Variants in ULK4 observed in about 807,000 individuals in gnomAD.
ULK4 encodes inactive serine/threonine-protein kinase ULK4.
A neutral mutation model predicts 160.6 loss-of-function variants in ULK4; 133 were observed. That is an observed-to-expected ratio of 0.83 (90% CI 0.72 to 0.96). The LOEUF is 0.96. Ranked by LOEUF, ULK4 falls within the 40% of genes least tolerant of loss-of-function variation. The pLI, the probability that ULK4 is intolerant of heterozygous loss-of-function variation, is 0.00. For missense variants in ULK4, 1,580 were observed against 1,499.5 expected (o/e 1.05, Z -0.89); for synonymous variants, 534 against 539.8 (o/e 0.99, Z 0.15).
At position 41,467,474 on chromosome 3, in the gene ULK4, C is replaced by CT. The variant is rs1432906317; in HGVS notation, c.3227-4222dup. 3.3e-5 allele frequency among the ~76,000 whole-genome samples: 5 copies of CT among 152,284 alleles called. No individual in the cohort carries two copies. The East Asian group carries it at 5.8e-4, about 18-fold the overall frequency. Reference sequence around the variant, plus strand: ...CCCAGGAGGCAGAAGTTGTAGTGAGCTGAGATTGTGCCACTGCACTCCTGC... The same window carrying CT: ...CCCAGGAGGCAGAAGTTGTAGTGAGCTTGAGATTGTGCCACTGCACTCCTGC... On this transcript the variant is annotated intron_variant, in intron 32 of 36. Transcript: ENST00000301831.
chr3:41,832,657 G>C (rs2041629634), intron 18 of ULK4, among the ~76,000 whole-genome samples: 1 of 152,108 alleles, frequency 6.6e-6, no homozygotes, highest in Admixed American at 6.5e-5. Context: ...TTCTTCTAGG[G>C]TTTTTATGGT....
chr3:41,642,054 A>G (rs1364886615), intron 30 of ULK4, among the ~76,000 whole-genome samples: 2 of 151,898 alleles, frequency 1.3e-5, no homozygotes, highest in East Asian at 3.9e-4. Context: ...TTTGTATTTC[A>G]GTAGAGACGA....
In ULK4 at chr3:41,786,373, G is replaced by A. The variant is rs145554777; in HGVS notation, c.2193+3288C>T. On this transcript the variant is annotated intron_variant, in intron 21 of 36. Coordinates refer to ENST00000301831, the MANE Select transcript of ULK4 (RefSeq NM_017886.4). Reference sequence around the variant, plus strand: ...TCCCAGCACCTTGGGAGGCTGCGACGGGGGATCACCTGAATCCAGGAGTTC... The same window carrying A: ...TCCCAGCACCTTGGGAGGCTGCGACAGGGGATCACCTGAATCCAGGAGTTC... 1.8e-4 allele frequency among the ~76,000 whole-genome samples: 28 copies of A among 152,158 alleles called. No homozygotes were observed. The Middle Eastern group carries it at 0.014, about 74-fold the overall frequency.
chr3:41,263,797 T>C (rs917073341), intron 35 of ULK4, among the ~76,000 whole-genome samples: 2 of 152,158 alleles, frequency 1.3e-5, no homozygotes, highest in African/African-American at 4.8e-5. Context: ...AAAAGCTCTT[T>C]TGGCAACTGT....
chr3:41,406,728 T>G (rs1475651478), intron 34 of ULK4, among the ~76,000 whole-genome samples: 1 of 152,196 alleles, frequency 6.6e-6, no homozygotes, highest in Non-Finnish European at 1.5e-5. Flanking sequence ...ATTTTTCCAG[T>G]GATGACCATT....
intron 27 of ULK4, among the ~76,000 whole-genome samples, chr3:41,687,062 G>A (rs761969577): frequency 2.0e-5 from 3 of 150,744 alleles, no homozygotes; most frequent in African/African-American, 4.9e-5. Context: ...CAGCCTGGGC[G>A]ACAAAAGACT....
At chr3:41,375,715 C>T (rs897133158) in intron 35 of ULK4, among the ~76,000 whole-genome samples, 1 of 150,280 alleles carries the variant, frequency 6.7e-6, no homozygotes, top group Admixed American at 6.6e-5. Context: ...AGGACACAGG[C>T]ATGGGCAAAG....
intron 35 of ULK4, among the ~76,000 whole-genome samples, chr3:41,265,315 G>A (rs1243104753): frequency 1.3e-5 from 2 of 152,178 alleles, no homozygotes; most frequent in Non-Finnish European, 2.9e-5. Context: ...CCGTCACCTC[G>A]GGCCCTTGCT....
At chr3:41,580,376 A>AC (rs2030199423) in intron 31 of ULK4, among the ~76,000 whole-genome samples, 1 of 147,472 alleles carries the variant, frequency 6.8e-6, no homozygotes, top group Non-Finnish European at 1.5e-5. Flanking sequence ...CCAATTATTT[A>AC]TTTTTTTTTT....
chr3:41,873,640 GC>G (rs1296496929), intron 17 of ULK4, among the ~76,000 whole-genome samples: 1 of 152,128 alleles, frequency 6.6e-6, no homozygotes, highest in African/African-American at 2.4e-5. Flanking sequence ...TGCAACCTCT[GC>G]CTCCCGGGTT....
chr3:41,396,336 C>CAA (rs11369245), intron 35 of ULK4, among the ~76,000 whole-genome samples: 21 of 150,182 alleles, frequency 1.4e-4, no homozygotes, highest in Admixed American at 3.3e-4. Context: ...TTCTAAGTTT[C>CAA]AAAAAAAAAA....
intron 19 of ULK4, among the ~76,000 whole-genome samples, chr3:41,807,671 C>T (rs1239168551): frequency 1.3e-5 from 2 of 152,058 alleles, no homozygotes; most frequent in African/African-American, 4.8e-5. Context: ...AGCTTTTATT[C>T]CCATTATTAT....
intron 35 of ULK4, among the ~76,000 whole-genome samples, chr3:41,278,792 G>A (rs1345414963): frequency 1.3e-5 from 2 of 152,084 alleles, no homozygotes; most frequent in African/African-American, 4.8e-5. Context: ...CCACCCATAG[G>A]TCACCAACAT....
chr3:41,328,583 A>G (rs2080381238), intron 35 of ULK4, among the ~76,000 whole-genome samples: 1 of 152,296 alleles, frequency 6.6e-6, no homozygotes, highest in South Asian at 2.1e-4. Context: ...ATTAGATTCC[A>G]CTGGTAGAAG....
At chr3:41,527,769 T>C (rs1206233625) in intron 32 of ULK4, among the ~76,000 whole-genome samples, 1 of 152,264 alleles carries the variant, frequency 6.6e-6, no homozygotes, top group Non-Finnish European at 1.5e-5. Context: ...AGATTTGTTA[T>C]ACTCTTCCAA....
chr3:41,796,394 G>T (rs138801360), intron 20 of ULK4, among the ~76,000 whole-genome samples: 1 of 152,012 alleles, frequency 6.6e-6, no homozygotes, highest in Non-Finnish European at 1.5e-5. Flanking sequence ...TTTGAGACCC[G>T]CCTGGCCAAC....
At chr3:41,786,669 A>G (rs1471573727) in intron 21 of ULK4, among the ~76,000 whole-genome samples, 1 of 152,126 alleles carries the variant, frequency 6.6e-6, no homozygotes, top group Non-Finnish European at 1.5e-5. Context: ...TTTTATTAAA[A>G]TAGAATCTTG....
chr3:41,953,334 C>G (rs1342140662), intron 2 of ULK4, among the ~76,000 whole-genome samples: 2 of 124,636 alleles, frequency 1.6e-5, no homozygotes, highest in East Asian at 4.4e-4. Context: ...TGGAGTCCCA[C>G]TCTTGTCACC....
intron 35 of ULK4, among the ~76,000 whole-genome samples, chr3:41,322,643 T>C (rs552056295): frequency 2.6e-5 from 4 of 152,330 alleles, no homozygotes; most frequent in African/African-American, 9.6e-5. Context: ...CAAACACTAA[T>C]GTTTGAGAGC....
Sources: gnomAD v4.1 joint callset for allele counts (sites outside exome capture counted in the v4.1 genomes callset) on GRCh38, gnomAD v4.1.1 for gene constraint, MANE v1.5 for transcripts, NCBI Gene and HGNC (gene_info 2026-07-23, HGNC 2026-07-21) for gene names.